The following HPSE2 variants were observed in gnomAD, a reference collection of about 807,000 sequenced individuals.
The protein encoded by HPSE2 is heparanase 2 (inactive).
HPSE2 carries 38 observed loss-of-function variants against 60.5 expected under a neutral mutation model. The observed-to-expected ratio is 0.63, with a 90% confidence interval of 0.48 to 0.82. HPSE2 has a LOEUF of 0.82. Ranked by LOEUF, HPSE2 falls within the 40% of genes least tolerant of loss-of-function variation. The probability of loss-of-function intolerance (pLI) is 0.00; values close to 1 mark genes in which losing one functional copy is unlikely to be tolerated. For missense variants in HPSE2, 713 were observed against 740.4 expected, an observed-to-expected ratio of 0.96 and a Z score of 0.43; for synonymous variants, 295 against 293.2, an observed-to-expected ratio of 1.01 and a Z score of -0.06.
intron 3 of HPSE2, among the ~76,000 whole-genome samples, chr10:98,799,561 CA>C (rs1950859227): frequency 6.6e-6 from 1 of 151,984 alleles, no homozygotes; most frequent in South Asian, 2.1e-4. Context: ...TTAAAATACT[CA>C]AAAAACTGAA....
At chr10:99,081,230 T>C (rs1040447066) in intron 3 of HPSE2, among the ~76,000 whole-genome samples, 5 of 152,236 alleles carry the variant, frequency 3.3e-5, no homozygotes, top group Non-Finnish European at 7.3e-5. Context: ...TACATATGCA[T>C]GTATGAACTA....
chr10:98,988,390 C>T (rs11511377), intron 3 of HPSE2, among the ~76,000 whole-genome samples: 1 of 150,706 alleles, frequency 6.6e-6, no homozygotes, highest in Non-Finnish European at 1.5e-5. Context: ...AACAAGCAAT[C>T]GGGAAAGGAT....
At chr10:98,490,640 G>C (rs11813236) in intron 9 of HPSE2, among the ~76,000 whole-genome samples, 7,280 of 152,140 alleles carry the variant, frequency 0.048, 227 homozygotes, top group African/African-American at 0.077. Flanking sequence ...CATCCAAACT[G>C]TCATTCTCCA....
chr10:99,309,155 G>T, the HPSE2 span, among the ~76,000 whole-genome samples: 4 of 152,122 alleles, frequency 2.6e-5, no homozygotes, highest in East Asian at 5.8e-4. Flanking sequence ...AAGTAGATGT[G>T]TAGTTGCCAG....
chr10:98,771,049 C>G (rs1183263298), intron 3 of HPSE2, among the ~76,000 whole-genome samples: 2 of 152,086 alleles, frequency 1.3e-5, no homozygotes, highest in Admixed American at 6.6e-5. Context: ...AGCAGAGTTG[C>G]AGGCTACCGC....
rs573873918 is a variant in HPSE2, at chr10:98,591,113, G to C, written c.1320+23791C>G. On this transcript the variant is annotated intron_variant, in intron 9 of 11. Coordinates refer to ENST00000370552, the MANE Select transcript of HPSE2 (RefSeq NM_021828.5). The stretch of plus-strand genomic sequence containing the variant: ...CATTTATTTAGATACAGGAAGAACG[G>C]TGAAATAGGGATCAAAAAAAAAGAA... Among the ~76,000 whole-genome samples, 606 of 82,742 alleles carry C rather than the reference G, an allele frequency of 7.3e-3. 2 individuals are homozygous for C. The highest frequency in any genetic ancestry group is 0.018 in the African/African-American group (583 of 32,004). The allele number at this position is 82,742 out of a possible 152,430, so 54.3% of individuals were successfully genotyped here. A position where few individuals can be genotyped will look rare whatever the true frequency, so the allele number is the denominator to read the frequency against.
intron 6 of HPSE2, among the ~76,000 whole-genome samples, chr10:98,686,395 G>T (rs568295476): frequency 4.9e-4 from 75 of 152,002 alleles, no homozygotes; most frequent in African/African-American, 1.6e-3. Flanking sequence ...TTTCTTCTTT[G>T]ATTCATAGGT....
chr10:99,296,106 A>G, the HPSE2 span, among the ~76,000 whole-genome samples: 130,125 of 152,188 alleles, frequency 0.86, 55,985 homozygotes, highest in African/African-American at 0.92. Flanking sequence ...TTTGAAGTTT[A>G]CAGCAAACTT....
intron 2 of HPSE2, among the ~76,000 whole-genome samples, chr10:99,171,619 C>A (rs1034546343): frequency 6.6e-6 from 1 of 152,102 alleles, no homozygotes; most frequent in African/African-American, 2.4e-5. Flanking sequence ...CCAATTAGAG[C>A]CAATACCCTG....
At chr10:99,159,000 T>TTAA (rs1395871124) in intron 2 of HPSE2, among the ~76,000 whole-genome samples, 1 of 152,170 alleles carries the variant, frequency 6.6e-6, no homozygotes, top group African/African-American at 2.4e-5. Flanking sequence ...GAGACACAGT[T>TTAA]TAAACAGTGC....
chr10:99,222,901 G>C (rs1008513156), intron 2 of HPSE2, among the ~76,000 whole-genome samples: 1 of 152,136 alleles, frequency 6.6e-6, no homozygotes. Flanking sequence ...TATATTCATG[G>C]GAAGGCATAT....
intron 2 of HPSE2, among the ~76,000 whole-genome samples, chr10:99,204,491 G>A (rs1193825153): frequency 5.3e-5 from 8 of 152,104 alleles, no homozygotes; most frequent in Admixed American, 2.6e-4. Context: ...TAAGGTAACA[G>A]GAAACATGAA....
chr10:99,065,296 T>G (rs1265860271), intron 3 of HPSE2, among the ~76,000 whole-genome samples: 1 of 152,194 alleles, frequency 6.6e-6, no homozygotes, highest in East Asian at 1.9e-4. Flanking sequence ...CAGTGCAGTC[T>G]GCCTTTGGTG....
At chr10:98,907,613 G>A (rs572453786) in intron 3 of HPSE2, among the ~76,000 whole-genome samples, 1 of 152,184 alleles carries the variant, frequency 6.6e-6, no homozygotes, top group Admixed American at 6.5e-5. Flanking sequence ...AGGAAAACAG[G>A]ATAAATAGGA....
intron 2 of HPSE2, among the ~76,000 whole-genome samples, chr10:99,149,074 T>C (rs1846164645): frequency 6.6e-6 from 1 of 152,016 alleles, no homozygotes; most frequent in South Asian, 2.1e-4. Context: ...AAACTGAGCC[T>C]GGCAAAGAAA....
intron 9 of HPSE2, among the ~76,000 whole-genome samples, chr10:98,544,712 C>CAAAAAAAA (rs58604325): frequency 1.4e-5 from 1 of 71,022 alleles, no homozygotes; most frequent in African/African-American, 6.0e-5. Context: ...GACTCCGTCT[C>CAAAAAAAA]AAAAAAAAAA....
intron 3 of HPSE2, among the ~76,000 whole-genome samples, chr10:98,820,466 G>C (rs1951399332): frequency 6.6e-6 from 1 of 152,086 alleles, no homozygotes; most frequent in Non-Finnish European, 1.5e-5. Context: ...GGGGCTGGCA[G>C]GTTCTGTCAA....
Position 99,232,379 on chromosome 10 carries a change from G to A in HPSE2, c.417C>T (p.Gly139=). The A allele has an allele frequency of 6.4e-7, 1 of 1,551,494 alleles. No individual in the cohort carries two copies. The highest frequency in any genetic ancestry group is 2.4e-5 in the East Asian group (1 of 40,906). The part of the protein sequence containing the change: ...RNPAKSRGGP[G]PDYYLKNYED... ...CATAGTTTTTGAGATAGTAATCCGG[G>A]CCCGGGCCCCCGCGGCTTTTCGCCG... The change falls in exon 2 of 12, where the codon GGC becomes GGT. Residue 139 remains glycine, a synonymous_variant. Coordinates refer to ENST00000370552, the MANE Select transcript of HPSE2 (RefSeq NM_021828.5).
At chr10:98,793,235 T>G (rs1033567050) in intron 3 of HPSE2, among the ~76,000 whole-genome samples, 1 of 152,246 alleles carries the variant, frequency 6.6e-6, no homozygotes, top group Non-Finnish European at 1.5e-5. Flanking sequence ...CCCTTCAGGT[T>G]CTTGGCTTTA....
Sources: allele counts gnomAD v4.1 joint callset (sites outside exome capture counted in the v4.1 genomes callset), GRCh38; gene constraint gnomAD v4.1.1; transcripts MANE v1.5; gene names NCBI Gene and HGNC (gene_info 2026-07-23, HGNC 2026-07-21).